The following C8orf34 variants were observed in gnomAD, a reference collection of about 807,000 sequenced individuals.
C8orf34 encodes the protein uncharacterized protein C8orf34.
A neutral mutation model predicts 68.3 loss-of-function variants in C8orf34; 65 were observed. The ratio of observed to expected loss-of-function variants is 0.95; its 90% CI spans 0.78 to 1.17. The LOEUF is 1.17. Among genes scored for constraint, C8orf34 ranks in the 50% most tolerant of loss-of-function variants. The pLI, the probability that C8orf34 is intolerant of heterozygous loss-of-function variation, is 0.00. For synonymous variants in C8orf34, 244 were observed against 241.2 expected (o/e 1.01, Z -0.11); for missense variants, 664 against 655.4 (o/e 1.01, Z -0.14).
At chr8:68,454,874 G>A (rs1811484878) in intron 3 of C8orf34, among the ~76,000 whole-genome samples, 1 of 151,604 alleles carries the variant, frequency 6.6e-6, no homozygotes, top group South Asian at 2.1e-4. Context: ...TTATTAATGG[G>A]GACATTTACT....
chr8:68,454,657 C>G (rs528554593), intron 3 of C8orf34, among the ~76,000 whole-genome samples: 142 of 152,098 alleles, frequency 9.3e-4, no homozygotes, highest in African/African-American at 3.1e-3. Flanking sequence ...ATCAATCTAG[C>G]TAAAGTTTTC....
chr8:68,376,021 G>A (rs920538603), intron 1 of C8orf34, among the ~76,000 whole-genome samples: 2 of 152,094 alleles, frequency 1.3e-5, no homozygotes, highest in African/African-American at 4.8e-5. Flanking sequence ...GACTGGGTTA[G>A]GTACTGAGAT....
chr8:68,747,002 C>G (rs1420816651), intron 10 of C8orf34, among the ~76,000 whole-genome samples: 5 of 148,946 alleles, frequency 3.4e-5, no homozygotes, highest in East Asian at 2.0e-4. Flanking sequence ...ACTGGCAAAC[C>G]GAATCCAGCA....
rs1446459624 is a variant in C8orf34, at chr8:68,543,921, T to C, written c.1105+10772T>C. Among the ~76,000 whole-genome samples, 4 of 151,906 alleles carry C rather than the reference T, an allele frequency of 2.6e-5. No individual in the cohort carries two copies. In the East Asian group the frequency reaches 5.8e-4, roughly 22 times the overall value. On this transcript the variant is annotated intron_variant, in intron 7 of 13. Coordinates refer to ENST00000518698, the MANE Select transcript of C8orf34 (RefSeq NM_052958.4). Reference sequence around the variant, plus strand: ...AGCACAGGTGTTTGGTTCTTGAGAGTAGGGAAATAAACAAGGTGAGCTCTG... The same window carrying C: ...AGCACAGGTGTTTGGTTCTTGAGAGCAGGGAAATAAACAAGGTGAGCTCTG...
intron 2 of C8orf34, among the ~76,000 whole-genome samples, chr8:68,443,142 G>A (rs954242282): frequency 1.3e-5 from 2 of 152,142 alleles, no homozygotes; most frequent in African/African-American, 2.4e-5. Context: ...AGGAGGGAAC[G>A]CTATTGTGGG....
chr8:68,502,620 C>A (rs956154612), intron 5 of C8orf34, among the ~76,000 whole-genome samples: 1 of 152,020 alleles, frequency 6.6e-6, no homozygotes, highest in Non-Finnish European at 1.5e-5. Context: ...GGAAAAAAAT[C>A]AAACATTTGA....
At chr8:68,488,301 T>C (rs368779220) in intron 5 of C8orf34, among the ~76,000 whole-genome samples, 2 of 115,992 alleles carry the variant, frequency 1.7e-5, no homozygotes, top group African/African-American at 6.7e-5. Context: ...CTGTAATCAC[T>C]GAATCACTAT....
intron 4 of C8orf34, among the ~76,000 whole-genome samples, chr8:68,482,323 C>T (rs1812894179): frequency 1.3e-5 from 2 of 152,168 alleles, no homozygotes; most frequent in Non-Finnish European, 2.9e-5. Context: ...ATGTCTTTAT[C>T]AGCCATGTGA....
chr8:68,376,674 CT>C (rs2129619996), intron 1 of C8orf34, among the ~76,000 whole-genome samples: 1 of 151,116 alleles, frequency 6.6e-6, no homozygotes, highest in African/African-American at 2.4e-5. Context: ...TATATTTAAA[CT>C]TAATAGATCA....
rs370395177 is a variant in C8orf34 at position 68,586,706 on chromosome 8, T to A, written c.1105+53557T>A. Among the ~76,000 whole-genome samples, 30 of 152,272 alleles carry A rather than the reference T, an allele frequency of 2.0e-4. No individual in the cohort carries two copies. The East Asian group carries it at 4.5e-3, about 23-fold the overall frequency. On this transcript the variant is annotated intron_variant, in intron 7 of 13. Coordinates refer to ENST00000518698, the MANE Select transcript of C8orf34 (RefSeq NM_052958.4). ...GTTTGTAAATGAAATAAAGATCGAC[T>A]TCTTTCCTTTTTTGAAAACAAATAG...
chr8:68,375,017 A>G (rs893918302), intron 1 of C8orf34, among the ~76,000 whole-genome samples: 2 of 152,212 alleles, frequency 1.3e-5, no homozygotes, highest in Non-Finnish European at 2.9e-5. Context: ...TTCTTCATGT[A>G]GGAAAAGATG....
At chr8:68,616,753 A>C (rs1215375961) in intron 7 of C8orf34, among the ~76,000 whole-genome samples, 1 of 152,066 alleles carries the variant, frequency 6.6e-6, no homozygotes, top group Non-Finnish European at 1.5e-5. Flanking sequence ...GTGCTGAAAA[A>C]AATGTATATT....
chr8:68,753,163 C>T (rs1453442180), intron 10 of C8orf34, among the ~76,000 whole-genome samples: 2 of 152,054 alleles, frequency 1.3e-5, no homozygotes, highest in African/African-American at 4.8e-5. Context: ...AACATGTTCT[C>T]GTAGATAAAG....
At chr8:68,608,284 A>G (rs927985401) in intron 7 of C8orf34, among the ~76,000 whole-genome samples, 8 of 151,060 alleles carry the variant, frequency 5.3e-5, no homozygotes, top group African/African-American at 2.0e-4. Flanking sequence ...GTAGAGATGA[A>G]GGCTGTGGTA....
rs576382111 is a variant in C8orf34, at chr8:68,342,601, T to C, written c.327+11262T>C. ...AACAATTCATAAGTTTTAAATTGCA[T>C]ATCATTCTGAGTAGCATTGTTAAGT... On this transcript the variant is annotated intron_variant, in intron 1 of 13. Coordinates refer to ENST00000518698, the MANE Select transcript of C8orf34 (RefSeq NM_052958.4). Among the ~76,000 whole-genome samples the C allele has an allele frequency of 5.6e-4, 85 of 152,320 alleles. 3 individuals carry two copies. The South Asian group carries it at 0.011, about 19-fold the overall frequency.
chr8:68,706,449 G>A (rs1297954055), intron 8 of C8orf34, among the ~76,000 whole-genome samples: 3 of 151,000 alleles, frequency 2.0e-5, no homozygotes, highest in Admixed American at 6.6e-5. Context: ...CGGAGACAGG[G>A]AAGCAGGAGG....
At chr8:68,738,827 T>C (rs967200098) in intron 10 of C8orf34, among the ~76,000 whole-genome samples, 2 of 152,048 alleles carry the variant, frequency 1.3e-5, no homozygotes, top group Non-Finnish European at 2.9e-5. Context: ...CAGGATCAGA[T>C]GGATTCACAG....
At chr8:68,683,056 A>C (rs1820414870) in intron 8 of C8orf34, among the ~76,000 whole-genome samples, 1 of 152,032 alleles carries the variant, frequency 6.6e-6, no homozygotes, top group African/African-American at 2.4e-5. Flanking sequence ...GACCCAAGTA[A>C]GCTTTTGAGT....
intron 10 of C8orf34, among the ~76,000 whole-genome samples, chr8:68,735,913 C>G (rs1437222834): frequency 1.3e-5 from 2 of 152,128 alleles, no homozygotes; most frequent in African/African-American, 4.8e-5. Context: ...AAGGCTGATT[C>G]TAAAGAATGT....
Sources: gnomAD v4.1 joint callset for allele counts (sites outside exome capture counted in the v4.1 genomes callset) on GRCh38, gnomAD v4.1.1 for gene constraint, MANE v1.5 for transcripts, NCBI Gene and HGNC (gene_info 2026-07-23, HGNC 2026-07-21) for gene names.